TENM3: variants seen among roughly 807,000 people sequenced by gnomAD.
TENM3 encodes the protein teneurin transmembrane protein 3, also known as teneurin-3.
In TENM3, 63 loss-of-function variants were observed where a neutral mutation model predicts 255.1. The ratio of observed to expected loss-of-function variants is 0.25; its 90% CI spans 0.20 to 0.30. The LOEUF is 0.30. Ranked by LOEUF, TENM3 falls within the 10% of genes least tolerant of loss-of-function variation. The pLI is 1.00. For missense variants in TENM3, 2,929 were observed against 3,461.1 expected, an observed-to-expected ratio of 0.85 and a Z score of 3.86; for synonymous variants, 1,306 against 1,322.3, an observed-to-expected ratio of 0.99 and a Z score of 0.27.
At chr4:182,479,990 TA>T (rs1237652597) in intron 3 of TENM3, among the ~76,000 whole-genome samples, 1 of 151,896 alleles carries the variant, frequency 6.6e-6, no homozygotes, top group Non-Finnish European at 1.5e-5. Context: ...AAAGAATAGT[TA>T]TTTTTTTTCA....
the TENM3 span, among the ~76,000 whole-genome samples, chr4:182,008,517 G>T: frequency 0.026 from 4,008 of 151,534 alleles, 92 homozygotes; most frequent in Non-Finnish European, 0.041. Flanking sequence ...TCTTCTGCTT[G>T]GTCTATTCGA....
rs553877290 is a variant in TENM3, at chr4:182,637,177, A to AC, written c.988+8290dup. Among the ~76,000 whole-genome samples the AC allele has an allele frequency of 5.6e-3, 856 of 152,282 alleles. 7 individuals carry two copies. The highest frequency in any genetic ancestry group is 0.02 in the African/African-American group (826 of 41,540). On this transcript the variant is annotated intron_variant, in intron 5 of 27. Coordinates refer to ENST00000511685, the MANE Select transcript of TENM3 (RefSeq NM_001080477.4). ...ATTTTAGAAGTGAATTCAGCATAAA[A>AC]CCTTTAAGTTTCATGGAAACTATAT...
At chr4:181,477,238 A>T in the TENM3 span, among the ~76,000 whole-genome samples, 2 of 152,256 alleles carry the variant, frequency 1.3e-5, no homozygotes, top group South Asian at 4.1e-4. Context: ...GATTTCAAAT[A>T]AGAACTTGAG....
chr4:181,984,022 C>G, the TENM3 span, among the ~76,000 whole-genome samples: 3 of 152,080 alleles, frequency 2.0e-5, no homozygotes, highest in Non-Finnish European at 2.9e-5. Flanking sequence ...ATTCTGCCCT[C>G]TTAGTGATGG....
At chr4:181,514,967 C>T in the TENM3 span, among the ~76,000 whole-genome samples, 6 of 152,138 alleles carry the variant, frequency 3.9e-5, no homozygotes, top group African/African-American at 9.7e-5. Flanking sequence ...TGACGCCAAA[C>T]GATGTTAGGT....
the TENM3 span, among the ~76,000 whole-genome samples, chr4:182,099,754 G>C: frequency 1.3e-5 from 2 of 152,060 alleles, no homozygotes; most frequent in Non-Finnish European, 2.9e-5. Context: ...GAAAAAGTTT[G>C]GTGACTTCTG....
chr4:182,668,018 G>A lies in TENM3; in HGVS notation c.1112-4987G>A, dbSNP rs1754866426. On this transcript the variant is annotated intron_variant, in intron 6 of 27. Coordinates refer to ENST00000511685, the MANE Select transcript of TENM3 (RefSeq NM_001080477.4). ...AAAGCATTCTTTGACAGTAGTTGGGGTGAGTGATAAGTTCATTAAAAAGGT... is the reference window on the plus strand; with the variant it reads ...AAAGCATTCTTTGACAGTAGTTGGGATGAGTGATAAGTTCATTAAAAAGGT... 2.0e-5 allele frequency among the ~76,000 whole-genome samples: 3 copies of A among 152,028 alleles called. No homozygotes were observed. The South Asian group carries it at 6.2e-4, about 32-fold the overall frequency.
intron 1 of TENM3, among the ~76,000 whole-genome samples, chr4:182,252,607 C>T (rs927877398): frequency 3.3e-5 from 5 of 152,176 alleles, no homozygotes; most frequent in Admixed American, 1.3e-4. Context: ...TTTTCCAGAT[C>T]ACTGTTACGT....
At chr4:181,851,139 C>A in the TENM3 span, among the ~76,000 whole-genome samples, 1 of 152,152 alleles carries the variant, frequency 6.6e-6, no homozygotes, top group Non-Finnish European at 1.5e-5. Context: ...ACAAGACCCC[C>A]TTATTTCCTG....
intron 3 of TENM3, among the ~76,000 whole-genome samples, chr4:182,519,430 T>C (rs1361785370): frequency 6.6e-6 from 1 of 152,214 alleles, no homozygotes; most frequent in African/African-American, 2.4e-5. Context: ...GTTAATATTT[T>C]CATATACTCC....
chr4:182,791,623 G>A (rs1766109184), intron 25 of TENM3, among the ~76,000 whole-genome samples: 1 of 152,174 alleles, frequency 6.6e-6, no homozygotes, highest in African/African-American at 2.4e-5. Context: ...CAGTACGGAT[G>A]CCTTGTAACA....
At chr4:182,605,789 A>G (rs893885803) in intron 4 of TENM3, among the ~76,000 whole-genome samples, 2 of 152,194 alleles carry the variant, frequency 1.3e-5, no homozygotes, top group Non-Finnish European at 2.9e-5. Context: ...TTCAGTGCCT[A>G]AGCTCTGTGG....
At chr4:182,658,460 T>C (rs992603267) in intron 6 of TENM3, among the ~76,000 whole-genome samples, 4 of 152,198 alleles carry the variant, frequency 2.6e-5, no homozygotes, top group African/African-American at 9.7e-5. Context: ...CCTAGATGTC[T>C]CTCTTCAGCT....
chr4:182,653,865 C>G lies in TENM3; in HGVS notation c.1083C>G (p.Asn361Lys). 1 of 1,613,028 alleles carries G rather than the reference C, an allele frequency of 6.2e-7. No homozygotes were observed. The change falls in exon 6 of 28, where the codon AAC (asparagine) becomes AAG (lysine). Residue 361 changes from asparagine to lysine, a missense_variant. Physicochemically the swap from Asn to Lys is moderately conservative, Grantham distance 94. This residue lies in a region of TENM3 where 1,608 missense variants were observed against 1,884.4 expected (regional missense o/e 0.85). Transcript: ENST00000511685. Reference protein sequence around the residue: ...GKVNSDTMPTNTVSLPSGDNG... With the variant: ...GKVNSDTMPTKTVSLPSGDNG... ...TGAATTCTGATACCATGCCAACAAA[C>G]ACTGTGTCATTACCTTCTGGAGACA...
At position 182,555,217 on chromosome 4, in the gene TENM3, AT is replaced by A. The variant is rs577906588; in HGVS notation, c.512-45698del. Among the ~76,000 whole-genome samples, 15 of 151,532 alleles carry A rather than the reference AT, an allele frequency of 9.9e-5. 1 individual carries two copies. The highest frequency in any genetic ancestry group is 4.2e-4 in the South Asian group (2 of 4,796). ...CAAATCATTCTGTATTGTTCAGTAC[AT>A]TTTTTTTTAATATCAGGCATAAATT... On this transcript the variant is annotated intron_variant, in intron 3 of 27. Transcript: ENST00000511685.
At chr4:182,041,643 GT>G in the TENM3 span, among the ~76,000 whole-genome samples, 2 of 152,038 alleles carry the variant, frequency 1.3e-5, no homozygotes, top group African/African-American at 4.8e-5. Context: ...CAGTTTATGT[GT>G]TTTATTTATT....
the TENM3 span, among the ~76,000 whole-genome samples, chr4:181,560,873 C>G: frequency 1.3e-5 from 2 of 152,168 alleles, no homozygotes; most frequent in African/African-American, 2.4e-5. Context: ...GAGGGCATGG[C>G]TCTAAAGCTT....
At chr4:181,481,278 C>T in the TENM3 span, among the ~76,000 whole-genome samples, 2 of 152,188 alleles carry the variant, frequency 1.3e-5, no homozygotes, top group East Asian at 3.9e-4. Context: ...ACTACCATCT[C>T]CTCCTCCTCA....
At chr4:182,325,858 C>G (rs1323172702) in intron 2 of TENM3, among the ~76,000 whole-genome samples, 2 of 152,182 alleles carry the variant, frequency 1.3e-5, no homozygotes, top group Non-Finnish European at 2.9e-5. Context: ...CCGGTTATCT[C>G]CACACCAGGC....
Sources: gnomAD v4.1 joint callset for allele counts (sites outside exome capture counted in the v4.1 genomes callset) on GRCh38, gnomAD v4.1.1 for gene constraint, gnomAD v4.1.1 regional missense constraint, MANE v1.5 for transcripts, NCBI Gene and HGNC (gene_info 2026-07-23, HGNC 2026-07-21) for gene names.